CUX1: variants seen among roughly 807,000 people sequenced by gnomAD.
CUX1 encodes the protein protein CASP.
A neutral mutation model predicts 158.8 loss-of-function variants in CUX1; 31 were observed. The ratio of observed to expected loss-of-function variants is 0.20; its 90% CI spans 0.15 to 0.26. The LOEUF (loss-of-function observed/expected upper bound fraction) is 0.26. Among genes scored for constraint, CUX1 ranks in the 10% least tolerant of loss-of-function variants. CUX1 has a pLI of 1.00. For synonymous variants in CUX1, 879 were observed against 862.1 expected, an observed-to-expected ratio of 1.02 and a Z score of -0.34; for missense variants, 1,589 against 2,014.6, an observed-to-expected ratio of 0.79 and a Z score of 4.04.
At chr7:101,832,339 G>A (rs1794127410) in intron 1 of CUX1, among the ~76,000 whole-genome samples, 1 of 152,144 alleles carries the variant, frequency 6.6e-6, no homozygotes, top group Non-Finnish European at 1.5e-5. Context: ...CTGAGGTTGG[G>A]GAACAGCAGG....
intron 2 of CUX1, among the ~76,000 whole-genome samples, chr7:102,027,015 A>C (rs1231915902): frequency 6.6e-6 from 1 of 152,106 alleles, no homozygotes; most frequent in Non-Finnish European, 1.5e-5. Context: ...CACTGGTGGC[A>C]TGGGATAAAA....
intron 3 of CUX1, among the ~76,000 whole-genome samples, chr7:102,040,751 A>G (rs1821965766): frequency 6.6e-6 from 1 of 152,220 alleles, no homozygotes; most frequent in African/African-American, 2.4e-5. Context: ...GGTTCGCTCC[A>G]AAGAGCATTT....
chr7:102,179,330 G>C (rs781934577), intron 11 of CUX1, among the ~76,000 whole-genome samples: 1 of 152,204 alleles, frequency 6.6e-6, no homozygotes, highest in Non-Finnish European at 1.5e-5. Context: ...TTACAGGTCT[G>C]AGCCTCTGCA....
chr7:101,968,496 C>T (rs1028629836), intron 2 of CUX1, among the ~76,000 whole-genome samples: 3 of 152,142 alleles, frequency 2.0e-5, no homozygotes, highest in African/African-American at 7.2e-5. Context: ...GATCTTGGCT[C>T]ACCGCAGCCT....
intron 8 of CUX1, among the ~76,000 whole-genome samples, chr7:102,148,194 T>TG: frequency 6.6e-6 from 1 of 152,184 alleles, no homozygotes; most frequent in African/African-American, 2.4e-5. Context: ...CCAGGAGGGC[T>TG]GAGACCCAGG....
At chr7:102,232,394 G>A (rs1434190645) in intron 21 of CUX1, among the ~76,000 whole-genome samples, 1 of 152,158 alleles carries the variant, frequency 6.6e-6, no homozygotes, top group African/African-American at 2.4e-5. Flanking sequence ...ACTTTTACTT[G>A]GAGGCCCCCT....
At chr7:102,053,593 C>A (rs1823782335) in intron 3 of CUX1, among the ~76,000 whole-genome samples, 1 of 152,134 alleles carries the variant, frequency 6.6e-6, no homozygotes, top group South Asian at 2.1e-4. Context: ...AGCCCCACTA[C>A]CCCTCCCAGC....
chr7:102,121,566 G>A (rs1215332799), intron 8 of CUX1, among the ~76,000 whole-genome samples: 5 of 152,076 alleles, frequency 3.3e-5, no homozygotes, highest in Non-Finnish European at 5.9e-5. Context: ...GGCTGGTCTC[G>A]AACTCCCAGA....
At chr7:101,913,384 G>A (rs1156611256) in intron 1 of CUX1, 5 of 1,266,046 alleles carry the variant, frequency 3.9e-6, no homozygotes, top group Admixed American at 2.3e-5. Flanking sequence ...TTGAGTCCCC[G>A]ACTGCCAGCA....
intron 8 of CUX1, among the ~76,000 whole-genome samples, chr7:102,157,919 C>T (rs1403405279): frequency 1.3e-5 from 2 of 152,318 alleles, no homozygotes; most frequent in East Asian, 1.9e-4. Flanking sequence ...TGGACAATTG[C>T]TTTTACGACC....
chr7:102,126,177 C>CTGTGTGTGTGTGTGTGTG (rs3988138), intron 8 of CUX1, among the ~76,000 whole-genome samples: 34 of 135,542 alleles, frequency 2.5e-4, no homozygotes, highest in South Asian at 7.9e-4. Context: ...CCATTTCCGG[C>CTGTGTGTGTGTGTGTGTG]TGTGTGTGTG....
chr7:102,229,174 G>A (rs1001876071), intron 21 of CUX1, among the ~76,000 whole-genome samples: 7 of 152,194 alleles, frequency 4.6e-5, no homozygotes, highest in Non-Finnish European at 7.3e-5. Context: ...GCATCCCACC[G>A]TGCCTCAGAC....
chr7:101,842,006 C>T (rs575796229), intron 1 of CUX1, among the ~76,000 whole-genome samples: 1 of 152,116 alleles, frequency 6.6e-6, no homozygotes, highest in African/African-American at 2.4e-5. Flanking sequence ...TTGTAATTTT[C>T]TATTCATTTT....
At chr7:101,989,689 G>GT (rs1814848660) in intron 2 of CUX1, among the ~76,000 whole-genome samples, 1 of 152,298 alleles carries the variant, frequency 6.6e-6, no homozygotes, top group East Asian at 1.9e-4. Flanking sequence ...TTTGAAGGTG[G>GT]TACAGGTGTT....
At chr7:101,938,648 G>T (rs1807239776) in intron 2 of CUX1, among the ~76,000 whole-genome samples, 1 of 152,124 alleles carries the variant, frequency 6.6e-6, no homozygotes, top group South Asian at 2.1e-4. Flanking sequence ...GCTCACACCT[G>T]TAATCCCAGC....
Position 101,891,440 on chromosome 7 carries a change from T to G in CUX1, c.31-24675T>G, listed in dbSNP as rs551773663. Among the ~76,000 whole-genome samples, 9 of 152,242 alleles carry G rather than the reference T, an allele frequency of 5.9e-5. No homozygotes were observed. In the East Asian group the frequency reaches 1.5e-3, roughly 26 times the overall value. ...CATAAGTAGTTGTTTCCCAGGCTGG[T>G]CTCAAACTCCTGGGCTCAAGTGATC... is the stretch of plus-strand genomic sequence containing the variant. On this transcript the variant is annotated intron_variant, in intron 1 of 23. Transcript: ENST00000292535.
chr7:102,279,302 T>C (rs944537533), intron 18 of CUX1, among the ~76,000 whole-genome samples: 28 of 152,172 alleles, frequency 1.8e-4, no homozygotes, highest in African/African-American at 6.5e-4. Context: ...GGTCACACCA[T>C]TGCACTCCAG....
At chr7:102,161,614 T>C (rs1475677205) in intron 9 of CUX1, among the ~76,000 whole-genome samples, 1 of 152,228 alleles carries the variant, frequency 6.6e-6, no homozygotes, top group Non-Finnish European at 1.5e-5. Context: ...TAAATTTATT[T>C]ATTTTTCTTC....
chr7:102,000,548 A>T (rs991101339), intron 2 of CUX1, among the ~76,000 whole-genome samples: 5 of 152,232 alleles, frequency 3.3e-5, no homozygotes, highest in African/African-American at 1.2e-4. Flanking sequence ...TGTTTAATCA[A>T]TGACTCTGGT....
Sources: gnomAD v4.1 joint callset for allele counts (sites outside exome capture counted in the v4.1 genomes callset) on GRCh38, gnomAD v4.1.1 for gene constraint, MANE v1.5 for transcripts, NCBI Gene and HGNC (gene_info 2026-07-23, HGNC 2026-07-21) for gene names.